CDC123: variants seen among roughly 807,000 people sequenced by gnomAD.
CDC123 encodes the protein translation initiation factor eIF2 assembly protein.
CDC123 carries 37 observed loss-of-function variants against 54.4 expected under a neutral mutation model. That is an observed-to-expected ratio of 0.68 (90% CI 0.52 to 0.89). The LOEUF (loss-of-function observed/expected upper bound fraction) is 0.89, where lower values mean the gene tolerates loss of function less well. CDC123 is among the 40% of genes least tolerant of loss of function. CDC123 has a pLI of 0.00. For missense variants in CDC123, 361 were observed against 412.1 expected (o/e 0.88, Z 1.07); for synonymous variants, 144 against 136.8 (o/e 1.05, Z -0.37).
At position 12,249,680 on chromosome 10, in the gene CDC123, G is replaced by T; in HGVS notation, c.946G>T (p.Gly316Trp). 2 of 1,614,038 alleles carry T rather than the reference G, an allele frequency of 1.2e-6. No homozygotes were observed. Among genetic ancestry groups the T allele is most frequent in the Non-Finnish European group, 1.7e-6 (2 of 1,180,008 alleles). ...LPKDFVDLST[G>W]EDAHKLIDFL... ...CAAGGACTTTGTAGACCTCTCTACT[G>T]GGGAGGACGCTCACAAGCTAATAGA... The change falls in exon 12 of 13, where the codon GGG becomes TGG. Residue 316 changes from glycine to tryptophan, a missense_variant. Physicochemically the swap from Gly to Trp is radical, Grantham distance 184. Coordinates refer to ENST00000281141, the MANE Select transcript of CDC123 (RefSeq NM_006023.3).
chr10:12,238,573 T>G, intron 10 of CDC123, 88 bp downstream of exon 10: 1 of 1,484,560 alleles, frequency 6.7e-7, no homozygotes, highest in Non-Finnish European at 9.1e-7. Context: ...GTGTGAAGGA[T>G]CCATGCTCAA....
At chr10:12,200,121 T>C (rs1009418244) in intron 2 of CDC123, among the ~76,000 whole-genome samples, 4 of 12,816 alleles carry the variant, frequency 3.1e-4, no homozygotes, top group Admixed American at 2.5e-3. Context: ...GCACTCGGCA[T>C]TTTTTTTTTT....
chr10:12,223,519 C>G (rs1835764387), intron 6 of CDC123, among the ~76,000 whole-genome samples: 1 of 152,158 alleles, frequency 6.6e-6, no homozygotes, highest in African/African-American at 2.4e-5. Context: ...CTCCTGACCT[C>G]AAGTGATCCA....
intron 8 of CDC123, among the ~76,000 whole-genome samples, chr10:12,236,624 G>T (rs965671001): frequency 6.6e-6 from 1 of 151,252 alleles, no homozygotes; most frequent in Non-Finnish European, 1.5e-5. Context: ...GCCAGGTGCG[G>T]TGGCTTACAC....
chr10:12,220,482 T>A (rs756879565), intron 6 of CDC123, among the ~76,000 whole-genome samples: 5 of 152,258 alleles, frequency 3.3e-5, no homozygotes, highest in Non-Finnish European at 7.3e-5. Context: ...AATTGGGAAT[T>A]GGCAGGAGCA....
At chr10:12,199,689 G>T (rs1835413072) in intron 2 of CDC123, among the ~76,000 whole-genome samples, 2 of 152,004 alleles carry the variant, frequency 1.3e-5, no homozygotes, top group Non-Finnish European at 2.9e-5. Flanking sequence ...TTCTGTTTTT[G>T]GTATTCACAG....
intron 2 of CDC123, among the ~76,000 whole-genome samples, chr10:12,205,950 G>C (rs527433805): frequency 2.6e-5 from 4 of 151,418 alleles, no homozygotes; most frequent in Non-Finnish European, 5.9e-5. Context: ...AGGTGCCTGC[G>C]ACCACGCCCA....
In CDC123 at chr10:12,217,349, T is replaced by G; in HGVS notation, c.334-12T>G. ...GGAATATGGACTAAATAGCATGTGC[T>G]TCATTCTTTAGGATGCGTATTGGAT... is the stretch of plus-strand genomic sequence containing the variant. On this transcript the variant is annotated splice_polypyrimidine_tract_variant and intron_variant, in intron 5 of 12. Transcript: ENST00000281141. The G allele has an allele frequency of 6.2e-7, 1 of 1,609,460 alleles. No homozygotes were observed. The highest frequency in any genetic ancestry group is 8.5e-7 in the Non-Finnish European group (1 of 1,177,086).
At chr10:12,240,737 T>C (rs1168165218) in intron 10 of CDC123, among the ~76,000 whole-genome samples, 3 of 149,610 alleles carry the variant, frequency 2.0e-5, no homozygotes, top group Non-Finnish European at 4.5e-5. Context: ...GGTGTGGTGG[T>C]TTGTGCCTGT....
intron 10 of CDC123, among the ~76,000 whole-genome samples, chr10:12,244,164 A>G (rs1836096940): frequency 6.6e-6 from 1 of 152,198 alleles, no homozygotes; most frequent in Admixed American, 6.6e-5. Context: ...ATCTTTCTTA[A>G]CAGTTTGCTC....
chr10:12,215,985 C>T (rs752132130), intron 5 of CDC123, 150 bp downstream of exon 5: 3 of 523,680 alleles, frequency 5.7e-6, no homozygotes, highest in Non-Finnish European at 9.7e-6. Flanking sequence ...TACTGTTTTA[C>T]TTTCCGGATT....
intron 2 of CDC123, among the ~76,000 whole-genome samples, chr10:12,209,691 A>G (rs559940675): frequency 7.2e-5 from 11 of 152,158 alleles, no homozygotes; most frequent in African/African-American, 2.4e-4. Flanking sequence ...CAGCCCCCCA[A>G]ATAGCTGGGA....
rs139537091 is a variant in CDC123 at position 12,201,595 on chromosome 10, A to C, written c.146+2819A>C. 7.1e-4 allele frequency among the ~76,000 whole-genome samples: 108 copies of C among 152,256 alleles called. 1 individual carries two copies. The East Asian group carries it at 0.019, about 27-fold the overall frequency. Reference sequence around the variant, plus strand: ...AAGGTCATGTAGCTAGAGTATGGGGAGTGAGAGAAGGGTAAGTGGCATGAG... The same window carrying C: ...AAGGTCATGTAGCTAGAGTATGGGGCGTGAGAGAAGGGTAAGTGGCATGAG... On this transcript the variant is annotated intron_variant, in intron 2 of 12. Coordinates refer to ENST00000281141, the MANE Select transcript of CDC123 (RefSeq NM_006023.3).
Position 12,238,045 on chromosome 10 carries a change from T to C in CDC123, c.689-412T>C, listed in dbSNP as rs1219408548. Among the ~76,000 whole-genome samples, 6 of 152,234 alleles carry C rather than the reference T, an allele frequency of 3.9e-5. No individual in the cohort carries two copies. The East Asian group carries it at 1.2e-3, about 29-fold the overall frequency. Reference sequence around the variant, plus strand: ...CAGATTTGACTTAAAATAAGATGAATCATGCTTCAAGGCTCATTAGATTTT... The same window carrying C: ...CAGATTTGACTTAAAATAAGATGAACCATGCTTCAAGGCTCATTAGATTTT... On this transcript the variant is annotated intron_variant, in intron 9 of 12. Transcript: ENST00000281141.
At chr10:12,239,012 G>A (rs879072953) in intron 10 of CDC123, among the ~76,000 whole-genome samples, 2 of 151,778 alleles carry the variant, frequency 1.3e-5, no homozygotes, top group African/African-American at 2.4e-5. Context: ...AAAAATATCC[G>A]GGCCTGGTGG....
rs1283983318 is a variant in CDC123, at chr10:12,215,318, C to T, written c.238-422C>T. Among the ~76,000 whole-genome samples the T allele has an allele frequency of 2.0e-5, 3 of 152,194 alleles. No homozygotes were observed. In the East Asian group the frequency reaches 5.8e-4, roughly 29 times the overall value. ...GAATACCATATGGCTAAGACTCTTC[C>T]TGCAAGTGGAAGGGCTTCTAGCTCT... On this transcript the variant is annotated intron_variant, in intron 4 of 12. Transcript: ENST00000281141.
At chr10:12,211,948 CATG>C (rs1835608448) in intron 4 of CDC123, among the ~76,000 whole-genome samples, 1 of 152,098 alleles carries the variant, frequency 6.6e-6, no homozygotes, top group South Asian at 2.1e-4. Flanking sequence ...GCTAGCCAGG[CATG>C]GTGGTAGACG....
At chr10:12,246,331 C>G in intron 11 of CDC123, 54 bp downstream of exon 11, 1 of 1,593,970 alleles carries the variant, frequency 6.3e-7, no homozygotes, top group Non-Finnish European at 8.6e-7. Context: ...TACTGACTGA[C>G]TGCTTGTTCT....
Position 12,217,452 on chromosome 10 carries a change from G to T in CDC123, c.425G>T (p.Arg142Leu). The change falls in exon 6 of 13, where the codon CGT (arginine) becomes CTT (leucine). Residue 142 changes from arginine to leucine, a missense_variant. Coordinates refer to ENST00000281141, the MANE Select transcript of CDC123 (RefSeq NM_006023.3). The part of the protein sequence containing the change: ...LLFKSSDFIT[R>L]DFTQPFIHCT... ...TTCAAGAGTTCCGATTTCATCACTC[G>T]TGACTTCACTCAGCCGTAAGTATCT... is the stretch of plus-strand genomic sequence containing the variant. 1 of 1,613,668 alleles carries T rather than the reference G, an allele frequency of 6.2e-7. No homozygotes were observed. The highest frequency in any genetic ancestry group is 8.5e-7 in the Non-Finnish European group (1 of 1,179,822).
Sources: gnomAD v4.1 joint callset for allele counts (sites outside exome capture counted in the v4.1 genomes callset) on GRCh38, gnomAD v4.1.1 for gene constraint, MANE v1.5 for transcripts, NCBI Gene and HGNC (gene_info 2026-07-23, HGNC 2026-07-21) for gene names.